CCDC88A: variants seen among roughly 807,000 people sequenced by gnomAD.
CCDC88A encodes coiled-coil and HOOK domain protein 88A, also known as girdin.
A neutral mutation model predicts 234.3 loss-of-function variants in CCDC88A; 54 were observed. The observed-to-expected ratio is 0.23, with a 90% confidence interval of 0.19 to 0.29. The LOEUF (loss-of-function observed/expected upper bound fraction) is 0.29, where lower values mean the gene tolerates loss of function less well. Among genes scored for constraint, CCDC88A ranks in the 10% least tolerant of loss-of-function variants. The pLI is 1.00. For missense variants in CCDC88A, 1,832 were observed against 2,123.4 expected (o/e 0.86, Z 2.70); for synonymous variants, 753 against 737.8 (o/e 1.02, Z -0.33).
At chr2:55,385,846 C>T (rs1675493741) in intron 3 of CCDC88A, among the ~76,000 whole-genome samples, 2 of 42,538 alleles carry the variant, frequency 4.7e-5, no homozygotes, top group Admixed American at 4.7e-4. Context: ...GAGTGAAACT[C>T]CATGTCAAAA....
At chr2:55,311,849 T>G (rs1033598433) in intron 23 of CCDC88A, among the ~76,000 whole-genome samples, 3 of 152,200 alleles carry the variant, frequency 2.0e-5, no homozygotes, top group Admixed American at 1.3e-4. Flanking sequence ...TTTTGCAGCT[T>G]GATCTCAACT....
Position 55,332,624 on chromosome 2 carries a change from C to T in CCDC88A, c.2797G>A (p.Glu933Lys). The T allele has an allele frequency of 6.2e-7, 1 of 1,613,240 alleles. No individual in the cohort carries two copies. The highest frequency in any genetic ancestry group is 8.5e-7 in the Non-Finnish European group (1 of 1,179,572). ...CGCTCCTTATTTAACCCTATCTTCTCAAGCTCATGAGTTAATTTTTCGAGA... is the reference window on the plus strand; with the variant it reads ...CGCTCCTTATTTAACCCTATCTTCTTAAGCTCATGAGTTAATTTTTCGAGA... Reference protein sequence around the residue: ...NDLEKLTHELEKIGLNKERLL... With the variant: ...NDLEKLTHELKKIGLNKERLL... The change falls in exon 16 of 33, where the codon GAG becomes AAG. Residue 933 changes from glutamate to lysine, a missense_variant. Glu to Lys is a moderately conservative substitution (Grantham distance 56, BLOSUM62 1). Around this residue, in one of 6 missense-constraint regions of CCDC88A, gnomAD observed 1,282 missense variants for 1,543.6 expected, o/e 0.83. Coordinates refer to ENST00000436346, the MANE Select transcript of CCDC88A (RefSeq NM_001365480.1). The surrounding 1 kb of genome is among the most constrained non-coding windows in gnomAD (Gnocchi z 4.5).
intron 14 of CCDC88A, 112 bp downstream of exon 14, chr2:55,336,569 C>A: frequency 1.6e-6 from 1 of 636,492 alleles, no homozygotes; most frequent in South Asian, 3.3e-5. Flanking sequence ...TAAAAAAATT[C>A]TAAAATATTT....
chr2:55,384,743 A>G (rs1675314539), intron 3 of CCDC88A, among the ~76,000 whole-genome samples: 1 of 149,746 alleles, frequency 6.7e-6, no homozygotes, highest in Non-Finnish European at 1.5e-5. Flanking sequence ...TGTAACTTCT[A>G]CCTCTCTGGT....
At chr2:55,399,415 G>C (rs1678211993) in intron 2 of CCDC88A, among the ~76,000 whole-genome samples, 1 of 151,446 alleles carries the variant, frequency 6.6e-6, no homozygotes, top group Non-Finnish European at 1.5e-5. Flanking sequence ...TGTAATCCCA[G>C]TTATTCAGGA....
chr2:55,326,794 C>T (rs1406980187), intron 17 of CCDC88A, among the ~76,000 whole-genome samples: 1 of 152,188 alleles, frequency 6.6e-6, no homozygotes, highest in Non-Finnish European at 1.5e-5. Flanking sequence ...TGGTCTTGAA[C>T]TCCCAACCTA....
At chr2:55,330,839 A>T (rs1684830932) in intron 16 of CCDC88A, among the ~76,000 whole-genome samples, 1 of 152,106 alleles carries the variant, frequency 6.6e-6, no homozygotes, top group South Asian at 2.1e-4. Flanking sequence ...TCCATCTTTC[A>T]TATACTCTAA....
At chr2:55,321,795 A>G (rs2104641437) in intron 18 of CCDC88A, among the ~76,000 whole-genome samples, 1 of 152,204 alleles carries the variant, frequency 6.6e-6, no homozygotes, top group South Asian at 2.1e-4. Context: ...ATGACAAGAA[A>G]ATTTTCTAGG....
chr2:55,401,415 C>A (rs1678600004), intron 2 of CCDC88A, among the ~76,000 whole-genome samples: 2 of 118,890 alleles, frequency 1.7e-5, no homozygotes, highest in Admixed American at 1.0e-4. Context: ...GCCTGGATGA[C>A]AGAGAAAGAC....
At position 55,416,443 on chromosome 2, in the gene CCDC88A, A is replaced by AATAT. The variant is rs60840841; in HGVS notation, c.164+2369_164+2372dup. ...AAGAGGTCAAATAAATAAATAAATA[A>AATAT]ATATATATATATATATATATATATA... On this transcript the variant is annotated intron_variant, in intron 2 of 32. Transcript: ENST00000436346. 6.2e-3 allele frequency among the ~76,000 whole-genome samples: 98 copies of AATAT among 15,806 alleles called. 2 individuals are homozygous for AATAT. The highest frequency in any genetic ancestry group is 0.022 in the South Asian group (7 of 316). 10.4% of individuals were successfully genotyped at this position (15,806 alleles called of 152,430 possible).
At chr2:55,302,105 T>G in intron 26 of CCDC88A, 33 bp from the exon 27 acceptor site, 1 of 1,524,746 alleles carries the variant, frequency 6.6e-7, no homozygotes, top group Non-Finnish European at 9.1e-7. Context: ...TGAATCAGCA[T>G]GGTTAATGTA....
chr2:55,332,936 G>A lies in CCDC88A; in HGVS notation c.2728-243C>T, dbSNP rs1414715240. On this transcript the variant is annotated intron_variant, in intron 15 of 32. Coordinates refer to ENST00000436346, the MANE Select transcript of CCDC88A (RefSeq NM_001365480.1). This position sits in a 1 kb window ranked among gnomAD's most constrained non-coding sequence, Gnocchi z 4.5. ...AAAAGGGAGTAGTAACTCTTTACTT[G>A]TGAATACACATTTAGGTTTGAAAAC... Among the ~76,000 whole-genome samples, 2 of 152,048 alleles carry A rather than the reference G, an allele frequency of 1.3e-5. No homozygotes were observed. The highest frequency in any genetic ancestry group is 2.4e-5 in the African/African-American group (1 of 41,372).
intron 2 of CCDC88A, among the ~76,000 whole-genome samples, chr2:55,409,760 T>C (rs1260861449): frequency 4.1e-5 from 6 of 146,262 alleles, no homozygotes; most frequent in East Asian, 2.0e-4. Flanking sequence ...TTTTTTTTTT[T>C]CAGACAGAGT....
intron 3 of CCDC88A, 129 bp downstream of exon 3, chr2:55,388,649 C>G: frequency 2.0e-6 from 1 of 498,632 alleles, no homozygotes; most frequent in Non-Finnish European, 3.6e-6. Context: ...ATTTACTACT[C>G]TAACTCTAGC....
chr2:55,318,375 G>C (rs189087829), intron 19 of CCDC88A, among the ~76,000 whole-genome samples: 1 of 152,186 alleles, frequency 6.6e-6, no homozygotes, highest in East Asian at 1.9e-4. Context: ...AGAGCTTTCA[G>C]AGTTGAACTT....
rs1366234590 is a variant in CCDC88A, at chr2:55,355,664, C to A, written c.715G>T (p.Gly239Cys). 5 of 1,613,896 alleles carry A rather than the reference C, an allele frequency of 3.1e-6. No homozygotes were observed. Among genetic ancestry groups the A allele is most frequent in the Non-Finnish European group, 4.2e-6 (5 of 1,179,962 alleles). ...TGTCGACTTTCTGTTCGCTTCATGC[C>A]TGGAGAACCACAGGGTGACTGTGCA... ...SSAQSPCGSP[G>C]MKRTESRQHL... The change falls in exon 8 of 33, where the codon GGC (glycine) becomes TGC (cysteine). Residue 239 changes from glycine (G) to cysteine (C), a missense_variant. Around this residue, in one of 6 missense-constraint regions of CCDC88A, gnomAD observed 1,282 missense variants for 1,543.6 expected, o/e 0.83. Coordinates refer to ENST00000436346, the MANE Select transcript of CCDC88A (RefSeq NM_001365480.1).
intron 3 of CCDC88A, among the ~76,000 whole-genome samples, chr2:55,376,867 T>C (rs1055479572): frequency 3.3e-5 from 5 of 152,244 alleles, no homozygotes; most frequent in Non-Finnish European, 7.3e-5. Context: ...AGTCTCGCTC[T>C]GTCACCCAGG....
intron 8 of CCDC88A, among the ~76,000 whole-genome samples, chr2:55,351,100 TTTTC>T (rs1669819639): frequency 6.6e-6 from 1 of 152,184 alleles, no homozygotes; most frequent in Non-Finnish European, 1.5e-5. Context: ...TTCAGGATAG[TTTTC>T]TTTTTCTTTT....
intron 9 of CCDC88A, among the ~76,000 whole-genome samples, chr2:55,346,919 T>A (rs930384522): frequency 2.0e-5 from 3 of 152,176 alleles, no homozygotes; most frequent in African/African-American, 7.2e-5. Flanking sequence ...TTTATGCTCA[T>A]ATTTTTTAAA....
Sources: gnomAD v4.1 joint callset for allele counts (sites outside exome capture counted in the v4.1 genomes callset) on GRCh38, gnomAD v4.1.1 for gene constraint, gnomAD v4.1.1 regional missense constraint, Gnocchi (gnomAD v3.1) non-coding constraint, MANE v1.5 for transcripts, NCBI Gene and HGNC (gene_info 2026-07-23, HGNC 2026-07-21) for gene names.